The following CACNA2D3 variants were observed in gnomAD, a reference collection of about 807,000 sequenced individuals.
CACNA2D3 encodes the protein voltage-dependent calcium channel subunit alpha-2/delta-3.
Under a neutral mutation model 160.6 loss-of-function variants are expected in CACNA2D3, and 60 were observed. The ratio of observed to expected loss-of-function variants is 0.37; its 90% CI spans 0.30 to 0.46. The LOEUF (loss-of-function observed/expected upper bound fraction) is 0.46. CACNA2D3 is among the 20% of genes least tolerant of loss of function. CACNA2D3 has a pLI of 1.00. For synonymous variants in CACNA2D3, 558 were observed against 492.9 expected, an observed-to-expected ratio of 1.13 and a Z score of -1.75; for missense variants, 1,205 against 1,365.0, an observed-to-expected ratio of 0.88 and a Z score of 1.85.
rs144259831 is a variant in CACNA2D3 at position 54,440,024 on chromosome 3, C to T, written c.381+53250C>T. Among the ~76,000 whole-genome samples, 577 of 152,262 alleles carry T rather than the reference C, an allele frequency of 3.8e-3. 2 individuals carry two copies. Among genetic ancestry groups the T allele is most frequent in the Non-Finnish European group, 6.3e-3 (430 of 68,018 alleles). On this transcript the variant is annotated intron_variant, in intron 4 of 37. Coordinates refer to ENST00000474759, the MANE Select transcript of CACNA2D3 (RefSeq NM_018398.3). Reference sequence around the variant, plus strand: ...TTGCCTGGCCAGCCTAGCATTCAGTCACCTATGGACCATCCCAGCACCCAG... The same window carrying T: ...TTGCCTGGCCAGCCTAGCATTCAGTTACCTATGGACCATCCCAGCACCCAG...
At chr3:54,925,434 G>T (rs988341664) in intron 27 of CACNA2D3, among the ~76,000 whole-genome samples, 1 of 152,200 alleles carries the variant, frequency 6.6e-6, no homozygotes, top group East Asian at 1.9e-4. Flanking sequence ...GCCACCTATC[G>T]TCTGAAGCCT....
chr3:54,723,456 A>G (rs1339703387), intron 11 of CACNA2D3, among the ~76,000 whole-genome samples: 1 of 152,148 alleles, frequency 6.6e-6, no homozygotes. Context: ...AAACTCCTAC[A>G]GCTAGTTCGG....
At position 54,570,081 on chromosome 3, in the gene CACNA2D3, G is replaced by A; in HGVS notation, c.865G>A (p.Asp289Asn). The part of the protein sequence containing the change: ...VSSILDTLGD[D>N]DFFNIIAYNE... ...ATCCATTTTGGATACACTTGGGGAT[G>A]ATGACTTCTTCAACATAATTGCTGT... Residue 289 changes from aspartate to asparagine, a missense_variant, in exon 8 of 38, where the codon GAT (aspartate) becomes AAT (asparagine). Physicochemically the swap from Asp to Asn is conservative, Grantham distance 23. Coordinates refer to ENST00000474759, the MANE Select transcript of CACNA2D3 (RefSeq NM_018398.3). 6.2e-7 allele frequency: 1 copy of A among 1,613,728 alleles called. No homozygotes were observed. The highest frequency in any genetic ancestry group is 8.5e-7 in the Non-Finnish European group (1 of 1,179,670).
chr3:54,190,256 C>T (rs960918486), intron 2 of CACNA2D3, among the ~76,000 whole-genome samples: 3 of 152,210 alleles, frequency 2.0e-5, no homozygotes, highest in Non-Finnish European at 2.9e-5. Context: ...GGCACACACA[C>T]ATTTAGGCCA....
intron 31 of CACNA2D3, among the ~76,000 whole-genome samples, chr3:55,002,622 ACAAAGCTT>A (rs1481521210): frequency 3.3e-5 from 5 of 152,224 alleles, no homozygotes; most frequent in South Asian, 2.1e-4. Context: ...GTTTGTGTAA[ACAAAGCTT>A]CAAAGCTTCT....
intron 11 of CACNA2D3, among the ~76,000 whole-genome samples, chr3:54,653,263 C>T (rs996994404): frequency 2.0e-5 from 3 of 152,198 alleles, no homozygotes; most frequent in Admixed American, 2.0e-4. Flanking sequence ...CTTTTCACTT[C>T]TGTGAATGCT....
At chr3:54,643,003 A>G (rs1056685078) in intron 11 of CACNA2D3, among the ~76,000 whole-genome samples, 12 of 152,074 alleles carry the variant, frequency 7.9e-5, no homozygotes, top group Non-Finnish European at 1.5e-4. Flanking sequence ...TAGACTGACA[A>G]TTGGTGGTCA....
At chr3:54,513,353 A>T (rs1057203347) in intron 5 of CACNA2D3, among the ~76,000 whole-genome samples, 3 of 152,110 alleles carry the variant, frequency 2.0e-5, no homozygotes, top group African/African-American at 7.2e-5. Flanking sequence ...GCCTTAGTCA[A>T]CTGATGCCTC....
chr3:54,930,334 C>G (rs1701152563), intron 27 of CACNA2D3, among the ~76,000 whole-genome samples: 2 of 152,148 alleles, frequency 1.3e-5, no homozygotes, highest in South Asian at 4.1e-4. Context: ...ATCTTTAAGG[C>G]CTTCTTATGT....
chr3:54,123,483 C>G, intron 1 of CACNA2D3, 30 bp from the exon 2 acceptor site: 1 of 1,550,646 alleles, frequency 6.4e-7, no homozygotes, highest in Non-Finnish European at 8.9e-7. Flanking sequence ...ACGGGTGTTA[C>G]ATATCTTCCT....
chr3:54,591,858 C>G (rs942629654), intron 9 of CACNA2D3, among the ~76,000 whole-genome samples: 4 of 151,934 alleles, frequency 2.6e-5, no homozygotes, highest in African/African-American at 9.7e-5. Flanking sequence ...GTCTTCTGTC[C>G]TGAGTTAAAG....
At chr3:54,332,347 A>G (rs530846350) in intron 3 of CACNA2D3, among the ~76,000 whole-genome samples, 1 of 152,346 alleles carries the variant, frequency 6.6e-6, no homozygotes, top group Admixed American at 6.5e-5. Flanking sequence ...AACTTGTCTT[A>G]ATAACTGAGT....
chr3:55,031,707 G>A (rs1703693484), intron 35 of CACNA2D3, among the ~76,000 whole-genome samples: 1 of 152,138 alleles, frequency 6.6e-6, no homozygotes, highest in African/African-American at 2.4e-5. Flanking sequence ...TGCCTTGGAA[G>A]ATATAGCCCA....
intron 4 of CACNA2D3, among the ~76,000 whole-genome samples, chr3:54,406,489 A>C (rs1308658232): frequency 6.6e-6 from 1 of 152,156 alleles, no homozygotes; most frequent in Admixed American, 6.6e-5. Flanking sequence ...AAAAAGGAGG[A>C]GGTCTTAACA....
Position 55,018,286 on chromosome 3 carries a change from A to G in CACNA2D3, c.2956A>G (p.Thr986Ala), listed in dbSNP as rs767553817. The G allele has an allele frequency of 5.6e-6, 9 of 1,612,286 alleles. No homozygotes were observed. The African/African-American group carries it at 1.1e-4, about 19-fold the overall frequency. The change falls in exon 35 of 38, where the codon ACA becomes GCA. Residue 986 changes from threonine to alanine, a missense_variant. Around this residue, in one of 3 missense-constraint regions of CACNA2D3, gnomAD observed 911 missense variants for 1,002.2 expected, o/e 0.91. Transcript: ENST00000474759. ...CTCTGAGCGCACCATCAAGGAGACT[A>G]CAGGGAATATTGCTTGTGAAGACTG... is the stretch of plus-strand genomic sequence containing the variant. ...FVSERTIKET[T>A]GNIACEDCSK...
intron 34 of CACNA2D3, among the ~76,000 whole-genome samples, chr3:55,010,609 C>A (rs1247875790): frequency 6.6e-6 from 1 of 152,142 alleles, no homozygotes; most frequent in Non-Finnish European, 1.5e-5. Flanking sequence ...ACTTGGGAGG[C>A]CAGGGACTAG....
chr3:54,618,381 A>ATATG (rs1244173135), intron 9 of CACNA2D3, among the ~76,000 whole-genome samples: 29 of 140,284 alleles, frequency 2.1e-4, no homozygotes, highest in Middle Eastern at 3.7e-3. Flanking sequence ...ATATGCACAC[A>ATATG]CACACACACA....
At chr3:54,678,366 A>G (rs1401455401) in intron 11 of CACNA2D3, among the ~76,000 whole-genome samples, 1 of 152,160 alleles carries the variant, frequency 6.6e-6, no homozygotes, top group African/African-American at 2.4e-5. Context: ...TTAATAGGAA[A>G]GATTGGGCGT....
At chr3:54,795,625 C>A (rs1702852493) in intron 13 of CACNA2D3, among the ~76,000 whole-genome samples, 1 of 152,154 alleles carries the variant, frequency 6.6e-6, no homozygotes, top group Non-Finnish European at 1.5e-5. Flanking sequence ...GCATATCTTT[C>A]ACTCTAAGGC....
Sources: allele counts gnomAD v4.1 joint callset (sites outside exome capture counted in the v4.1 genomes callset), GRCh38; gene constraint gnomAD v4.1.1; regional missense constraint gnomAD v4.1.1; transcripts MANE v1.5; gene names NCBI Gene and HGNC (gene_info 2026-07-23, HGNC 2026-07-21).